The following SLC67A2 variants were observed in gnomAD, a reference collection of about 807,000 sequenced individuals.
SLC67A2 encodes the protein solute carrier family 67 member A2.
chr2:102,727,630 T>G, the SLC67A2 span, among the ~76,000 whole-genome samples: 1 of 152,252 alleles, frequency 6.6e-6, no homozygotes, highest in South Asian at 2.1e-4. Flanking sequence ...GGCATCTTCA[T>G]AGCAAATTCT....
the SLC67A2 span, chr2:102,730,944 C>T: frequency 3.3e-6 from 4 of 1,225,220 alleles, no homozygotes; most frequent in Non-Finnish European, 4.8e-6. Context: ...GTTCTCATCC[C>T]AAATCTATCA....
the SLC67A2 span, chr2:102,736,670 G>C: frequency 1.9e-6 from 3 of 1,613,996 alleles, no homozygotes; most frequent in Non-Finnish European, 2.5e-6. Flanking sequence ...AGTAGAGACA[G>C]AGCAGGAAGC....
chr2:102,727,947 G>A, the SLC67A2 span, among the ~76,000 whole-genome samples: 2 of 152,150 alleles, frequency 1.3e-5, no homozygotes, highest in East Asian at 3.9e-4. Context: ...TCTCTTGAGA[G>A]AGGCAGGTAA....
chr2:102,733,043 C>T, the SLC67A2 span, among the ~76,000 whole-genome samples: 2 of 152,156 alleles, frequency 1.3e-5, no homozygotes, highest in Admixed American at 6.5e-5. Context: ...GTAATACCTG[C>T]CTGGTAGAAA....
the SLC67A2 span, chr2:102,732,130 A>G: frequency 2.4e-5 from 17 of 695,136 alleles, 1 homozygote; most frequent in South Asian, 2.6e-4. Context: ...CTCTTTGAAC[A>G]TACGTCGTCT....
the SLC67A2 span, chr2:102,727,067 T>C: frequency 1.4e-6 from 2 of 1,415,994 alleles, no homozygotes; most frequent in Non-Finnish European, 1.9e-6. Flanking sequence ...GGGAAAACAA[T>C]GGAAGATTCA....
the SLC67A2 span, chr2:102,723,726 C>T: frequency 6.2e-7 from 1 of 1,614,152 alleles, no homozygotes; most frequent in Non-Finnish European, 8.5e-7. Flanking sequence ...GACCAAAAAG[C>T]AGATGAAGGC....
chr2:102,718,615 G>C, the SLC67A2 span: 1 of 1,613,696 alleles, frequency 6.2e-7, no homozygotes, highest in Non-Finnish European at 8.5e-7. Context: ...CGCCAATAAG[G>C]GTGCCGCTGG....
chr2:102,733,753 C>CA, the SLC67A2 span, among the ~76,000 whole-genome samples: 154 of 138,792 alleles, frequency 1.1e-3, no homozygotes, highest in Middle Eastern at 3.6e-3. Flanking sequence ...CATTTTTTTC[C>CA]AAAAAAAAAA....
At chr2:102,715,356 G>A in the SLC67A2 span, among the ~76,000 whole-genome samples, 1 of 152,248 alleles carries the variant, frequency 6.6e-6, no homozygotes, top group East Asian at 1.9e-4. Flanking sequence ...CATCTGTGGT[G>A]CTTCAGAGTC....
the SLC67A2 span, chr2:102,736,450 C>A: frequency 7.1e-7 from 1 of 1,405,160 alleles, no homozygotes. Flanking sequence ...GCGCGAGGGG[C>A]AATAAAGCAG....
At chr2:102,714,964 T>C in the SLC67A2 span, among the ~76,000 whole-genome samples, 2 of 152,150 alleles carry the variant, frequency 1.3e-5, no homozygotes, top group African/African-American at 2.4e-5. Flanking sequence ...TATAGAAGTG[T>C]CTTCAGGAAA....
the SLC67A2 span, among the ~76,000 whole-genome samples, chr2:102,726,309 A>G: frequency 6.6e-6 from 1 of 152,228 alleles, no homozygotes; most frequent in African/African-American, 2.4e-5. Context: ...CTGGCCAAAG[A>G]CACTTAACAA....
At chr2:102,724,113 A>G in the SLC67A2 span, among the ~76,000 whole-genome samples, 3 of 152,172 alleles carry the variant, frequency 2.0e-5, no homozygotes, top group South Asian at 6.2e-4. Context: ...TCCCACCGTA[A>G]TTAGACTCCT....
chr2:102,728,498 T>C, the SLC67A2 span, among the ~76,000 whole-genome samples: 3 of 152,210 alleles, frequency 2.0e-5, no homozygotes, highest in Non-Finnish European at 4.4e-5. Flanking sequence ...TACATAATGA[T>C]GTAAACTTCC....
At chr2:102,735,846 G>GCGTA in the SLC67A2 span, among the ~76,000 whole-genome samples, 4 of 149,594 alleles carry the variant, frequency 2.7e-5, no homozygotes, top group Admixed American at 2.7e-4. Context: ...ACGCGCGCGC[G>GCGTA]CACACACACA....
At chr2:102,718,670 C>T in the SLC67A2 span, 1 of 1,614,002 alleles carries the variant, frequency 6.2e-7, no homozygotes. Context: ...GATGCACGTC[C>T]TGCCAATGGC....
the SLC67A2 span, chr2:102,726,737 A>G: frequency 2.1e-6 from 3 of 1,444,270 alleles, no homozygotes; most frequent in Non-Finnish European, 2.8e-6. Context: ...GCAAGTAAGG[A>G]TGTTGAGCAA....
chr2:102,735,723 T>C, the SLC67A2 span, among the ~76,000 whole-genome samples: 35 of 152,284 alleles, frequency 2.3e-4, no homozygotes, highest in African/African-American at 4.3e-4. Context: ...TGGATTACAA[T>C]AGTGAAGCTC....
Sources: gnomAD v4.1 joint callset for allele counts (sites outside exome capture counted in the v4.1 genomes callset) on GRCh38, gnomAD v4.1.1 for gene constraint, MANE v1.5 for transcripts, NCBI Gene and HGNC (gene_info 2026-07-23, HGNC 2026-07-21) for gene names.